The following CD302 variants were observed in gnomAD, a reference collection of about 807,000 sequenced individuals.
CD302 encodes the protein CD302 molecule.
CD302 carries 23 observed loss-of-function variants against 26.5 expected under a neutral mutation model. The ratio of observed to expected loss-of-function variants is 0.87; its 90% CI spans 0.62 to 1.23. The LOEUF is 1.23. Among genes scored for constraint, CD302 ranks in the 50% most tolerant of loss-of-function variants. The pLI is 0.00. For missense variants in CD302, 290 were observed against 275.5 expected, an observed-to-expected ratio of 1.05 and a Z score of -0.37; for synonymous variants, 90 against 99.4, an observed-to-expected ratio of 0.91 and a Z score of 0.56.
chr2:159,774,887 C>G (rs753110227), intron 5 of CD302, among the ~76,000 whole-genome samples: 10 of 152,132 alleles, frequency 6.6e-5, no homozygotes, highest in Admixed American at 6.6e-5. Context: ...TGGGTTGTTT[C>G]CTTGCTGCTT....
At chr2:159,773,160 C>T (rs1035050983) in intron 5 of CD302, among the ~76,000 whole-genome samples, 14 of 152,168 alleles carry the variant, frequency 9.2e-5, no homozygotes, top group African/African-American at 2.4e-4. Context: ...AGATGACAGG[C>T]GCACGCCATG....
intron 1 of CD302, 88 bp downstream of exon 1, chr2:159,798,044 T>G: frequency 7.7e-7 from 1 of 1,298,702 alleles, no homozygotes; most frequent in Non-Finnish European, 1.0e-6. Context: ...CGGGCCGCCC[T>G]CGGGTGCGCG....
At position 159,795,311 on chromosome 2, in the gene CD302, G is replaced by A. The variant is rs949462109; in HGVS notation, c.67+2821C>T. ...GAATTCATTATGAAATGAGTGCATA[G>A]CAGAGGTAATATAATTTGAAAAAAA... On this transcript the variant is annotated intron_variant, in intron 1 of 5. Transcript: ENST00000259053. Among the ~76,000 whole-genome samples the A allele has an allele frequency of 2.6e-5, 4 of 151,856 alleles. No homozygotes were observed. In the South Asian group the frequency reaches 8.3e-4, roughly 31 times the overall value.
intron 5 of CD302, among the ~76,000 whole-genome samples, chr2:159,777,101 G>A (rs1042646885): frequency 6.6e-6 from 1 of 152,054 alleles, no homozygotes; most frequent in Non-Finnish European, 1.5e-5. Flanking sequence ...TACAAAAAAA[G>A]TTAGCTGGGC....
chr2:159,779,212 CAGAG>C (rs1171534623), intron 4 of CD302, among the ~76,000 whole-genome samples: 9 of 106,246 alleles, frequency 8.5e-5, no homozygotes, highest in East Asian at 3.0e-4. Context: ...GCCTGGGCGA[CAGAG>C]AGAGACTGCA....
At chr2:159,772,130 G>A (rs1708168361) in intron 5 of CD302, 77 bp from the exon 6 acceptor site, 2 of 1,457,442 alleles carry the variant, frequency 1.4e-6, no homozygotes, top group Non-Finnish European at 1.9e-6. Flanking sequence ...GAGCACAACT[G>A]TAGTTTTGTG....
chr2:159,771,355 G>C lies in CD302; in HGVS notation c.*496C>G, dbSNP rs1477459688. ...CTAAAATTGGTGTGGGGTGTTAAAAGTTGTAAAATTTTCTTCATCTAAATC... is the reference window on the plus strand; with the variant it reads ...CTAAAATTGGTGTGGGGTGTTAAAACTTGTAAAATTTTCTTCATCTAAATC... On this transcript the variant is annotated 3_prime_UTR_variant, in exon 6 of 6. Coordinates refer to ENST00000259053, the MANE Select transcript of CD302 (RefSeq NM_014880.5). The C allele has an allele frequency of 6.5e-6, 1 of 152,992 alleles. No homozygotes were observed. Among genetic ancestry groups the C allele is most frequent in the African/African-American group, 2.4e-5 (1 of 41,438 alleles). The allele number at this position is 152,992 out of a possible 1,614,324, so 9.5% of individuals were successfully genotyped here.
At chr2:159,784,837 G>A (rs1314604343) in intron 1 of CD302, among the ~76,000 whole-genome samples, 2 of 152,098 alleles carry the variant, frequency 1.3e-5, no homozygotes, top group Non-Finnish European at 1.5e-5. Flanking sequence ...ATATAGCACA[G>A]AGCACATGGC....
chr2:159,794,305 T>TAAAATAATA (rs1553795853), intron 1 of CD302, among the ~76,000 whole-genome samples: 31,011 of 107,128 alleles, frequency 0.29, 5,180 homozygotes, highest in South Asian at 0.36. Flanking sequence ...AATAAAATAA[T>TAAAATAATA]AAAAAAAAAA....
Position 159,783,426 on chromosome 2 carries a change from G to T in CD302, c.111C>A (p.Tyr37Ter), listed in dbSNP as rs1212213388. Residue 37 changes from tyrosine to a stop codon, truncating the protein, a stop_gained, in exon 2 of 6, where the codon TAC becomes TAA. Transcript: ENST00000259053. LOFTEE classifies it high-confidence loss of function. ...STWIQFQDSC[Y>*]IFLQEAIKVE... ...CTTTGATGGCTTCTTGGAGAAAAAT[G>T]TAACAACTGTCTTGGAACTGAATCC... is the stretch of plus-strand genomic sequence containing the variant. 1 of 1,612,876 alleles carries T rather than the reference G, an allele frequency of 6.2e-7. No homozygotes were observed. Among genetic ancestry groups the T allele is most frequent in the Non-Finnish European group, 8.5e-7 (1 of 1,179,654 alleles).
chr2:159,790,014 C>T (rs1225915090), intron 1 of CD302, among the ~76,000 whole-genome samples: 1 of 152,192 alleles, frequency 6.6e-6, no homozygotes, highest in African/African-American at 2.4e-5. Flanking sequence ...TCTCCTACTC[C>T]ATGATAGCCA....
chr2:159,780,254 G>C, intron 3 of CD302, 76 bp from the exon 4 acceptor site: 1 of 1,510,070 alleles, frequency 6.6e-7, no homozygotes, highest in Non-Finnish European at 9.0e-7. Flanking sequence ...TAGGATTAAA[G>C]GTGGAAAGTT....
chr2:159,798,042 C>T, intron 1 of CD302, 90 bp downstream of exon 1: 2 of 1,282,846 alleles, frequency 1.6e-6, no homozygotes, highest in Non-Finnish European at 2.1e-6. Flanking sequence ...TGCGGGCCGC[C>T]CTCGGGTGCG....
chr2:159,778,634 A>G (rs1460342201), intron 4 of CD302, among the ~76,000 whole-genome samples: 4 of 152,194 alleles, frequency 2.6e-5, no homozygotes, highest in Non-Finnish European at 4.4e-5. Context: ...CTGAGGATGC[A>G]AAATGGGGAA....
intron 5 of CD302, among the ~76,000 whole-genome samples, chr2:159,773,887 A>G (rs1328707948): frequency 6.6e-6 from 1 of 152,164 alleles, no homozygotes; most frequent in African/African-American, 2.4e-5. Context: ...ATTTAGGAAA[A>G]ATACTTTTTA....
chr2:159,790,077 C>A (rs1029275226), intron 1 of CD302, among the ~76,000 whole-genome samples: 1 of 152,330 alleles, frequency 6.6e-6, no homozygotes, highest in Non-Finnish European at 1.5e-5. Context: ...CAGTTGGTCA[C>A]CCATCTACCC....
chr2:159,775,260 TTACA>T (rs1330930657), intron 5 of CD302, among the ~76,000 whole-genome samples: 3 of 152,204 alleles, frequency 2.0e-5, no homozygotes, highest in Non-Finnish European at 2.9e-5. Flanking sequence ...ACTCACTAAA[TTACA>T]TACACATATT....
chr2:159,776,958 C>CA lies in CD302; in HGVS notation c.496+979dup, dbSNP rs982362897. Among the ~76,000 whole-genome samples the CA allele has an allele frequency of 9.5e-4, 144 of 151,876 alleles. 1 individual carries two copies. Among genetic ancestry groups the CA allele is most frequent in the African/African-American group, 3.2e-3 (134 of 41,462 alleles). ...ATTCCTACCAAAAATATAGGCAACTCAAAAAAAATATGGGTGGCTGGGCAT... is the reference window on the plus strand; with the variant it reads ...ATTCCTACCAAAAATATAGGCAACTCAAAAAAAAATATGGGTGGCTGGGCAT... On this transcript the variant is annotated intron_variant, in intron 5 of 5. Coordinates refer to ENST00000259053, the MANE Select transcript of CD302 (RefSeq NM_014880.5).
At chr2:159,792,662 A>AT (rs1708839767) in intron 1 of CD302, among the ~76,000 whole-genome samples, 1 of 152,128 alleles carries the variant, frequency 6.6e-6, no homozygotes, top group Non-Finnish European at 1.5e-5. Flanking sequence ...ACAACTTACG[A>AT]TTTTTTGACT....
Sources: allele counts gnomAD v4.1 joint callset (sites outside exome capture counted in the v4.1 genomes callset), GRCh38; gene constraint gnomAD v4.1.1; transcripts MANE v1.5; gene names NCBI Gene and HGNC (gene_info 2026-07-23, HGNC 2026-07-21).